NCALD: variants seen among roughly 807,000 people sequenced by gnomAD.
The protein encoded by NCALD is neurocalcin-delta.
Under a neutral mutation model 18.6 loss-of-function variants are expected in NCALD, and 10 were observed. That is an observed-to-expected ratio of 0.54 (90% CI 0.33 to 0.91). The LOEUF (loss-of-function observed/expected upper bound fraction) is 0.91. Ranked by LOEUF, NCALD falls within the 40% of genes least tolerant of loss-of-function variation. NCALD has a pLI of 0.03. For synonymous variants in NCALD, 88 were observed against 87.4 expected, an observed-to-expected ratio of 1.01 and a Z score of -0.04; for missense variants, 184 against 247.6, an observed-to-expected ratio of 0.74 and a Z score of 1.72.
chr8:101,918,924 A>T (rs1364195883), intron 2 of NCALD, among the ~76,000 whole-genome samples: 1 of 152,212 alleles, frequency 6.6e-6, no homozygotes, highest in East Asian at 1.9e-4. Flanking sequence ...TACATTGGCC[A>T]TATTACCCGA....
intron 1 of NCALD, among the ~76,000 whole-genome samples, chr8:102,059,966 CTTGTTTTTGTTTTTTTGTTT>C (rs1823783555): frequency 3.3e-5 from 5 of 151,942 alleles, no homozygotes; most frequent in Admixed American, 3.3e-4. Flanking sequence ...TTTTTGTTTG[CTTGTTTTTGTTTTTTTGTTT>C]TTGTTTTTGT....
chr8:101,689,243 ATTGTT>A lies in NCALD; in HGVS notation c.*61_*65del. On this transcript the variant is annotated 3_prime_UTR_variant, in exon 4 of 4. Transcript: ENST00000220931. This position sits in a 1 kb window ranked among gnomAD's most constrained non-coding sequence, Gnocchi z 4.4. ...TATTGTTTGGCAAAAAAAAAAAAAA[ATTGTT>A]AAAAAGAAGAATCAAAAGGGAACAC... is the stretch of plus-strand genomic sequence containing the variant. 1 of 1,459,714 alleles carries A rather than the reference ATTGTT, an allele frequency of 6.9e-7. No homozygotes were observed. The highest frequency in any genetic ancestry group is 2.0e-5 in the Admixed American group (1 of 48,818). 90.4% of individuals were successfully genotyped at this position (1,459,714 alleles called of 1,614,324 possible).
At chr8:101,951,144 A>G (rs2078976441) in intron 2 of NCALD, among the ~76,000 whole-genome samples, 1 of 152,332 alleles carries the variant, frequency 6.6e-6, no homozygotes, top group South Asian at 2.1e-4. Context: ...ACAGGTAGCA[A>G]TATATTATAA....
chr8:101,821,843 C>T (rs937975903), intron 4 of NCALD, among the ~76,000 whole-genome samples: 1 of 146,878 alleles, frequency 6.8e-6, no homozygotes, highest in African/African-American at 2.5e-5. Flanking sequence ...CTCATAAATC[C>T]TATTCTTCCC....
intron 2 of NCALD, among the ~76,000 whole-genome samples, chr8:101,927,152 C>G (rs1392471198): frequency 6.6e-6 from 1 of 152,182 alleles, no homozygotes; most frequent in Non-Finnish European, 1.5e-5. Flanking sequence ...CCTCCATCAC[C>G]CACCCTCACA....
chr8:101,763,817 G>A (rs1452952584), intron 1 of NCALD, among the ~76,000 whole-genome samples: 1 of 151,952 alleles, frequency 6.6e-6, no homozygotes, highest in Non-Finnish European at 1.5e-5. Flanking sequence ...GGCTCTTCCT[G>A]GGTGTTGAGC....
At chr8:102,036,199 C>G (rs930840785) in intron 1 of NCALD, among the ~76,000 whole-genome samples, 3 of 151,814 alleles carry the variant, frequency 2.0e-5, no homozygotes, top group African/African-American at 7.3e-5. Context: ...GTAGTCCCAG[C>G]TACTCAGGGG....
chr8:101,850,050 G>T, intron 4 of NCALD, among the ~76,000 whole-genome samples: 1 of 152,148 alleles, frequency 6.6e-6, no homozygotes, highest in East Asian at 1.9e-4. Context: ...GAGGGCTCTG[G>T]ACTGAGCATG....
chr8:101,988,110 G>A (rs2131969916), intron 2 of NCALD, among the ~76,000 whole-genome samples: 1 of 138,840 alleles, frequency 7.2e-6, no homozygotes, highest in African/African-American at 2.8e-5. Context: ...AGCCGAGATC[G>A]CGCCACTGCG....
At chr8:101,772,505 A>G (rs910195070) in intron 1 of NCALD, among the ~76,000 whole-genome samples, 2 of 151,704 alleles carry the variant, frequency 1.3e-5, no homozygotes, top group African/African-American at 4.8e-5. Context: ...GAACAAAACA[A>G]CTCTCTACCT....
At chr8:102,092,976 G>A (rs140069771) in intron 1 of NCALD, among the ~76,000 whole-genome samples, 14 of 152,164 alleles carry the variant, frequency 9.2e-5, no homozygotes, top group South Asian at 6.2e-4. Context: ...TGCTCTAACC[G>A]TAGAGCTTTG....
intron 4 of NCALD, among the ~76,000 whole-genome samples, chr8:101,881,426 CTA>C (rs1563853987): frequency 6.6e-6 from 1 of 152,176 alleles, no homozygotes; most frequent in Non-Finnish European, 1.5e-5. Flanking sequence ...AACCAGTATA[CTA>C]TTATAATAAA....
At chr8:101,690,935 G>T in intron 3 of NCALD, 1 of 985,432 alleles carries the variant, frequency 1.0e-6, no homozygotes, top group Non-Finnish European at 1.2e-6. Flanking sequence ...TCGGCATGAC[G>T]TCTGGCTTTC....
At chr8:101,983,582 G>A (rs1023735891) in intron 2 of NCALD, among the ~76,000 whole-genome samples, 10 of 152,122 alleles carry the variant, frequency 6.6e-5, no homozygotes, top group African/African-American at 1.9e-4. Flanking sequence ...TTAACTAACC[G>A]AAACTGTAGG....
chr8:101,848,829 T>C (rs554551322), intron 4 of NCALD, among the ~76,000 whole-genome samples: 1 of 152,250 alleles, frequency 6.6e-6, no homozygotes, highest in South Asian at 2.1e-4. Context: ...TAGAATTTGG[T>C]ATCTGTTTGA....
intron 2 of NCALD, among the ~76,000 whole-genome samples, chr8:102,017,007 A>G (rs1822104776): frequency 6.6e-6 from 1 of 152,158 alleles, no homozygotes; most frequent in Non-Finnish European, 1.5e-5. Flanking sequence ...TAGATGAGAG[A>G]GAGAAACTAT....
chr8:101,687,048 A>C lies in NCALD; in HGVS notation c.*2261T>G, dbSNP rs550594447. On this transcript the variant is annotated 3_prime_UTR_variant, in exon 4 of 4. Coordinates refer to ENST00000220931, the MANE Select transcript of NCALD (RefSeq NM_032041.3). Reference sequence around the variant, plus strand: ...AGGGACTATTTCTATACATTCTGGAAGTGTCGGCATTCATCAGCCTGCATG... The same window carrying C: ...AGGGACTATTTCTATACATTCTGGACGTGTCGGCATTCATCAGCCTGCATG... 1 of 152,066 alleles carries C rather than the reference A, an allele frequency of 6.6e-6. No individual in the cohort carries two copies. Among genetic ancestry groups the C allele is most frequent in the South Asian group, 2.1e-4 (1 of 4,814 alleles). 9.4% of individuals were successfully genotyped at this position (152,066 alleles called of 1,614,324 possible).
At chr8:101,978,556 G>A (rs747103311) in intron 2 of NCALD, among the ~76,000 whole-genome samples, 6 of 152,190 alleles carry the variant, frequency 3.9e-5, no homozygotes, top group Non-Finnish European at 8.8e-5. Context: ...GCCCAGATCT[G>A]CCTGATTCTA....
rs78054078 is a variant in NCALD at position 101,779,641 on chromosome 8, C to T, written c.-20+11221G>A. 5.9e-3 allele frequency among the ~76,000 whole-genome samples: 900 copies of T among 152,194 alleles called. 10 individuals carry two copies. Among genetic ancestry groups the T allele is most frequent in the African/African-American group, 0.02 (838 of 41,550 alleles). On this transcript the variant is annotated intron_variant, in intron 1 of 3. Coordinates refer to ENST00000220931, the MANE Select transcript of NCALD (RefSeq NM_032041.3). ...ACGACTTCATGAACTATATTCCTTA[C>T]GGATTGCCCTTTTTTATATAATTTT...
Sources: allele counts gnomAD v4.1 joint callset (sites outside exome capture counted in the v4.1 genomes callset), GRCh38; gene constraint gnomAD v4.1.1; non-coding constraint Gnocchi (gnomAD v3.1); transcripts MANE v1.5; gene names NCBI Gene and HGNC (gene_info 2026-07-23, HGNC 2026-07-21).